MOSMO: variants seen among roughly 807,000 people sequenced by gnomAD.
The protein encoded by MOSMO is modulator of smoothened protein.
MOSMO carries 5 observed loss-of-function variants against 18.4 expected under a neutral mutation model. That is an observed-to-expected ratio of 0.27 (90% CI 0.14 to 0.57). The LOEUF (loss-of-function observed/expected upper bound fraction) is 0.57. Ranked by LOEUF, MOSMO falls within the 20% of genes least tolerant of loss-of-function variation. The pLI is 0.92. For missense variants in MOSMO, 138 were observed against 211.8 expected (o/e 0.65, Z 2.16); for synonymous variants, 82 against 82.3 (o/e 1.00, Z 0.02).
Position 22,083,622 on chromosome 16 carries a change from ACT to A in MOSMO, c.*2743_*2744del, listed in dbSNP as rs1444335900. On this transcript the variant is annotated 3_prime_UTR_variant, in exon 3 of 3. Transcript: ENST00000542527. Reference sequence around the variant, plus strand: ...GTATCTTGTAAACTGTATATAAAACACTGTTTTATGGTGCAATCATTTGTCAA... The same window carrying A: ...GTATCTTGTAAACTGTATATAAAACAGTTTTATGGTGCAATCATTTGTCAA... 8.8e-6 allele frequency: 4 copies of A among 453,098 alleles called. No individual in the cohort carries two copies. Among genetic ancestry groups the A allele is most frequent in the African/African-American group, 8.0e-5 (4 of 49,792 alleles). 28.1% of individuals were successfully genotyped at this position (453,098 alleles called of 1,614,324 possible). A position where few individuals can be genotyped will look rare whatever the true frequency, so the allele number is the denominator to read the frequency against.
At chr16:22,023,244 A>G (rs1419032251) in intron 1 of MOSMO, among the ~76,000 whole-genome samples, 1 of 152,294 alleles carries the variant, frequency 6.6e-6, no homozygotes. Flanking sequence ...GTGGATTAGG[A>G]TTAGAAGACA....
intron 1 of MOSMO, among the ~76,000 whole-genome samples, chr16:22,051,464 A>C (rs1900426152): frequency 6.6e-6 from 1 of 152,060 alleles, no homozygotes; most frequent in Non-Finnish European, 1.5e-5. Flanking sequence ...AAAAATAACA[A>C]ACTAGGCTAA....
intron 1 of MOSMO, 60 bp downstream of exon 1, chr16:22,008,467 G>A: frequency 3.5e-6 from 4 of 1,128,464 alleles, no homozygotes; most frequent in Non-Finnish European, 4.7e-6. Flanking sequence ...CGAGAGAGGG[G>A]AGACCCGGAC....
chr16:22,068,025 GA>G (rs1900780718), intron 1 of MOSMO, among the ~76,000 whole-genome samples: 1 of 152,112 alleles, frequency 6.6e-6, no homozygotes, highest in South Asian at 2.1e-4. Flanking sequence ...TGTTCTATAG[GA>G]AATACTAAAG....
chr16:22,042,997 A>G (rs570853083), intron 1 of MOSMO, among the ~76,000 whole-genome samples: 1 of 152,260 alleles, frequency 6.6e-6, no homozygotes, highest in South Asian at 2.1e-4. Flanking sequence ...TTTTTATATC[A>G]TGCTGCATTT....
intron 1 of MOSMO, among the ~76,000 whole-genome samples, chr16:22,029,114 C>T (rs1368665798): frequency 6.6e-6 from 1 of 152,152 alleles, no homozygotes; most frequent in Admixed American, 6.5e-5. Context: ...TCGTTATCTG[C>T]CTGCCTCTGC....
intron 1 of MOSMO, among the ~76,000 whole-genome samples, chr16:22,038,379 C>T (rs1010295188): frequency 3.9e-5 from 6 of 152,038 alleles, no homozygotes; most frequent in East Asian, 3.8e-4. Flanking sequence ...CAACATCCAT[C>T]GTAATGAGAA....
intron 2 of MOSMO, chr16:22,076,276 C>A (rs910701137): frequency 6.6e-6 from 1 of 152,388 alleles, no homozygotes; most frequent in Non-Finnish European, 1.5e-5. Flanking sequence ...CACAACACAT[C>A]AGAGATTTAT....
chr16:22,060,936 T>C (rs573468806), intron 1 of MOSMO, among the ~76,000 whole-genome samples: 14 of 152,158 alleles, frequency 9.2e-5, no homozygotes, highest in Middle Eastern at 3.4e-3. Flanking sequence ...TAGTTTCTTA[T>C]AAATTTAAAC....
rs928308414 is a variant in MOSMO, at chr16:22,080,646, T to C, written c.320-50T>C. On this transcript the variant is annotated intron_variant, in intron 2 of 2. Coordinates refer to ENST00000542527, the MANE Select transcript of MOSMO (RefSeq NM_001164579.2). Reference sequence around the variant, plus strand: ...TTTGTGCCAAATTTTCATTGTTTTTTGAAATCACCAAACCATGTTACTAAT... The same window carrying C: ...TTTGTGCCAAATTTTCATTGTTTTTCGAAATCACCAAACCATGTTACTAAT... 1.1e-5 allele frequency: 14 copies of C among 1,251,880 alleles called. No homozygotes were observed. The African/African-American group carries it at 2.1e-4, about 18-fold the overall frequency. The allele number at this position is 1,251,880 out of a possible 1,614,324, so 77.5% of individuals were successfully genotyped here.
chr16:22,031,563 T>C (rs1458133301), intron 1 of MOSMO, among the ~76,000 whole-genome samples: 1 of 152,234 alleles, frequency 6.6e-6, no homozygotes, highest in Non-Finnish European at 1.5e-5. Flanking sequence ...TAATCTACTT[T>C]CTGTTTCATA....
chr16:22,075,568 CG>C lies in MOSMO; in HGVS notation c.190del (p.Glu64SerfsTer16). On this transcript the variant is annotated frameshift_variant, in exon 2 of 3. Transcript: ENST00000542527. LOFTEE classifies it high-confidence loss of function. ...ACGTGCATCCCTCCCCGGCTTCCCC[CG>C]GAGTGGGTCACCACACTGTTTTTTA... ...DRTCIPPRLPPEWVTTLFFII... is the reference protein window; with the variant it reads ...DRTCIPPRLPXEWVTTLFFII... 6.5e-7 allele frequency: 1 copy of C among 1,537,300 alleles called. No homozygotes were observed.
chr16:22,048,994 T>C (rs1478416977), intron 1 of MOSMO, among the ~76,000 whole-genome samples: 1 of 152,206 alleles, frequency 6.6e-6, no homozygotes, highest in Non-Finnish European at 1.5e-5. Context: ...CTCTGCTGTA[T>C]TCTAAATTCC....
chr16:22,081,341 C>G lies in MOSMO; in HGVS notation c.*461C>G, dbSNP rs551947943. On this transcript the variant is annotated 3_prime_UTR_variant, in exon 3 of 3. Coordinates refer to ENST00000542527, the MANE Select transcript of MOSMO (RefSeq NM_001164579.2). ...GTTCATGTGGGGCTGGCCTCACCTCCTAAGAAATTAGTGTTCACAACTTCC... is the reference window on the plus strand; with the variant it reads ...GTTCATGTGGGGCTGGCCTCACCTCGTAAGAAATTAGTGTTCACAACTTCC... 6.6e-6 allele frequency: 1 copy of G among 152,026 alleles called. No individual in the cohort carries two copies. The highest frequency in any genetic ancestry group is 1.9e-4 in the East Asian group (1 of 5,212). 9.4% of individuals were successfully genotyped at this position (152,026 alleles called of 1,614,324 possible). A position where few individuals can be genotyped will look rare whatever the true frequency, so the allele number is the denominator to read the frequency against.
At position 22,083,187 on chromosome 16, in the gene MOSMO, G is replaced by T. The variant is rs889183766; in HGVS notation, c.*2307G>T. On this transcript the variant is annotated 3_prime_UTR_variant, in exon 3 of 3. Transcript: ENST00000542527. ...ATTTTTAACTGGATCATGAGCATGG[G>T]GAGAGAAAGTTTCTCAGCTGCTAAG... 6.6e-6 allele frequency: 1 copy of T among 152,218 alleles called. No homozygotes were observed. The highest frequency in any genetic ancestry group is 1.5e-5 in the Non-Finnish European group (1 of 68,076). 9.4% of individuals were successfully genotyped at this position (152,218 alleles called of 1,614,324 possible). A position where few individuals can be genotyped will look rare whatever the true frequency, so the allele number is the denominator to read the frequency against.
chr16:22,026,471 G>A (rs954919969), intron 1 of MOSMO, among the ~76,000 whole-genome samples: 5 of 152,026 alleles, frequency 3.3e-5, no homozygotes, highest in South Asian at 4.2e-4. Context: ...CGCCCACCTC[G>A]GCCTCCCAAA....
chr16:22,075,184 T>C lies in MOSMO; in HGVS notation c.107-303T>C, dbSNP rs934427009. The stretch of plus-strand genomic sequence containing the variant: ...CTCATCCTGTCTGCTGTTATTTCCC[T>C]GGAGCCTAGAAAAATACCTGACACA... On this transcript the variant is annotated intron_variant, in intron 1 of 2. Coordinates refer to ENST00000542527, the MANE Select transcript of MOSMO (RefSeq NM_001164579.2). 3 of 415,578 alleles carry C rather than the reference T, an allele frequency of 7.2e-6. 1 individual carries two copies. The highest frequency in any genetic ancestry group is 1.4e-5 in the Non-Finnish European group (3 of 210,340). The allele number at this position is 415,578 out of a possible 1,614,324, so 25.7% of individuals were successfully genotyped here. A position where few individuals can be genotyped will look rare whatever the true frequency, so the allele number is the denominator to read the frequency against.
chr16:22,043,227 CTG>C (rs745593503), intron 1 of MOSMO, among the ~76,000 whole-genome samples: 5 of 152,266 alleles, frequency 3.3e-5, no homozygotes, highest in East Asian at 1.9e-4. Context: ...CACATAGAAA[CTG>C]TATATTCTTC....
intron 1 of MOSMO, among the ~76,000 whole-genome samples, chr16:22,033,025 G>GT (rs1900028315): frequency 6.6e-6 from 1 of 152,208 alleles, no homozygotes; most frequent in African/African-American, 2.4e-5. Context: ...GGAATCTCAA[G>GT]TTTTTTTCCA....
Sources: gnomAD v4.1 joint callset for allele counts (sites outside exome capture counted in the v4.1 genomes callset) on GRCh38, gnomAD v4.1.1 for gene constraint, MANE v1.5 for transcripts, NCBI Gene and HGNC (gene_info 2026-07-23, HGNC 2026-07-21) for gene names.